Variants in KCNH1 observed in about 807,000 individuals in gnomAD.
KCNH1 encodes voltage-gated delayed rectifier potassium channel KCNH1.
A neutral mutation model predicts 69.2 loss-of-function variants in KCNH1; 27 were observed. That is an observed-to-expected ratio of 0.39 (90% CI 0.29 to 0.54). The LOEUF (loss-of-function observed/expected upper bound fraction) is 0.54, where lower values mean the gene tolerates loss of function less well. Among genes scored for constraint, KCNH1 ranks in the 20% least tolerant of loss-of-function variants. The pLI, the probability that KCNH1 is intolerant of heterozygous loss-of-function variation, is 0.68. For missense variants in KCNH1, 798 were observed against 1,261.6 expected (o/e 0.63, Z 5.57); for synonymous variants, 456 against 487.7 (o/e 0.93, Z 0.86).
chr1:210,855,780 AC>A (rs1459080950), intron 7 of KCNH1, among the ~76,000 whole-genome samples: 1 of 152,184 alleles, frequency 6.6e-6, no homozygotes, highest in Non-Finnish European at 1.5e-5. Context: ...GGGGCTGGAC[AC>A]TGCTATTAAT....
intron 6 of KCNH1, among the ~76,000 whole-genome samples, chr1:210,941,779 G>T (rs894849325): frequency 6.6e-6 from 1 of 152,178 alleles, no homozygotes; most frequent in Non-Finnish European, 1.5e-5. Context: ...GGGAAACAGT[G>T]CAATCCTAAC....
chr1:210,780,336 TCA>T (rs969407117), intron 9 of KCNH1, among the ~76,000 whole-genome samples: 19 of 152,324 alleles, frequency 1.2e-4, no homozygotes, highest in African/African-American at 4.6e-4. Flanking sequence ...AAGGACTATC[TCA>T]CAGTGTTATA....
intron 7 of KCNH1, among the ~76,000 whole-genome samples, chr1:210,907,930 A>G (rs181700328): frequency 4.6e-5 from 7 of 152,322 alleles, no homozygotes; most frequent in African/African-American, 1.7e-4. Context: ...CAGAAAAAGA[A>G]ACTGTTTTGT....
intron 6 of KCNH1, among the ~76,000 whole-genome samples, chr1:210,986,561 A>G (rs1688839625): frequency 6.6e-6 from 1 of 152,166 alleles, no homozygotes; most frequent in Admixed American, 6.5e-5. Flanking sequence ...TTGGCTGGAT[A>G]TGAAATTCTT....
intron 7 of KCNH1, among the ~76,000 whole-genome samples, chr1:210,885,962 C>T (rs764763465): frequency 2.2e-4 from 34 of 152,086 alleles, no homozygotes; most frequent in Non-Finnish European, 4.0e-4. Flanking sequence ...TGGCTGTGGG[C>T]ACAGGTTCAG....
At chr1:211,113,972 T>TCACA (rs1226960387) in intron 1 of KCNH1, among the ~76,000 whole-genome samples, 1 of 131,614 alleles carries the variant, frequency 7.6e-6, no homozygotes, top group Non-Finnish European at 1.7e-5. Flanking sequence ...TCTCTCTCTC[T>TCACA]CTCACACACA....
At chr1:211,121,511 C>T (rs1571664177) in intron 1 of KCNH1, among the ~76,000 whole-genome samples, 3 of 152,286 alleles carry the variant, frequency 2.0e-5, no homozygotes, top group South Asian at 4.1e-4. Context: ...CTTCCTTACA[C>T]CTTATACAAA....
In KCNH1 at chr1:211,016,839, G is replaced by A. The variant is rs191064153; in HGVS notation, c.1032+1944C>T. Among the ~76,000 whole-genome samples the A allele has an allele frequency of 2.1e-3, 310 of 144,354 alleles. 2 individuals carry two copies. The highest frequency in any genetic ancestry group is 7.6e-3 in the African/African-American group (294 of 38,788). The allele number at this position is 144,354 out of a possible 152,430, so 94.7% of individuals were successfully genotyped here. A position where few individuals can be genotyped will look rare whatever the true frequency, so the allele number is the denominator to read the frequency against. On this transcript the variant is annotated intron_variant, in intron 6 of 10. Coordinates refer to ENST00000271751, the MANE Select transcript of KCNH1 (RefSeq NM_172362.3). ...CAGGAGAATTGCCTGAACCTGGGAG[G>A]CAGAGGTTGTGGTGAGCTGAGATCA... is the stretch of plus-strand genomic sequence containing the variant.
intron 3 of KCNH1, among the ~76,000 whole-genome samples, chr1:211,095,089 T>C (rs1211082850): frequency 2.0e-5 from 3 of 152,166 alleles, no homozygotes; most frequent in Non-Finnish European, 4.4e-5. Flanking sequence ...GGGTCTCTCC[T>C]AGAACCCAAA....
At chr1:210,926,697 C>T (rs529661418) in intron 6 of KCNH1, among the ~76,000 whole-genome samples, 30 of 151,974 alleles carry the variant, frequency 2.0e-4, no homozygotes, top group African/African-American at 4.6e-4. Flanking sequence ...TCACCAGCAA[C>T]GGATCCAAAC....
intron 6 of KCNH1, among the ~76,000 whole-genome samples, chr1:210,994,478 G>T (rs1688988928): frequency 6.6e-6 from 1 of 152,132 alleles, no homozygotes; most frequent in Non-Finnish European, 1.5e-5. Context: ...ATGCAAAAAA[G>T]AAAGTCACCA....
At chr1:210,808,985 G>A (rs548769347) in intron 7 of KCNH1, among the ~76,000 whole-genome samples, 52 of 152,090 alleles carry the variant, frequency 3.4e-4, no homozygotes, top group Non-Finnish European at 5.9e-4. Context: ...TCTATTTTCA[G>A]AAAGGAAGGA....
chr1:210,865,684 G>A (rs1686092956), intron 7 of KCNH1, among the ~76,000 whole-genome samples: 1 of 152,146 alleles, frequency 6.6e-6, no homozygotes, highest in Non-Finnish European at 1.5e-5. Context: ...ATGGAAGCTG[G>A]GCCACCTTGC....
chr1:210,775,285 A>T, intron 10 of KCNH1, 63 bp downstream of exon 10: 3 of 1,418,760 alleles, frequency 2.1e-6, no homozygotes, highest in South Asian at 2.5e-5. Context: ...TTCTGGTCAC[A>T]GTGATTATCC....
Position 211,000,823 on chromosome 1 carries a change from C to T in KCNH1, c.1032+17960G>A, listed in dbSNP as rs555041293. Among the ~76,000 whole-genome samples the T allele has an allele frequency of 6.6e-5, 10 of 152,198 alleles. No individual in the cohort carries two copies. The East Asian group carries it at 9.7e-4, about 15-fold the overall frequency. On this transcript the variant is annotated intron_variant, in intron 6 of 10. Transcript: ENST00000271751. ...CTGGTACCAAAACAGAGATATAGAT[C>T]AATGGAACAGAACAGAGCCCTCAGA...
At chr1:210,965,807 C>T (rs969768320) in intron 6 of KCNH1, among the ~76,000 whole-genome samples, 3 of 152,086 alleles carry the variant, frequency 2.0e-5, no homozygotes, top group African/African-American at 7.2e-5. Context: ...ACCATACTGC[C>T]CAAAGTAATT....
At chr1:211,110,167 T>C (rs1399702715) in intron 1 of KCNH1, among the ~76,000 whole-genome samples, 1 of 152,170 alleles carries the variant, frequency 6.6e-6, no homozygotes, top group South Asian at 2.1e-4. Flanking sequence ...ATAATGAAGA[T>C]ATTTTCATAT....
intron 1 of KCNH1, among the ~76,000 whole-genome samples, chr1:211,108,245 A>G (rs1691393913): frequency 6.6e-6 from 1 of 152,152 alleles, no homozygotes; most frequent in African/African-American, 2.4e-5. Context: ...CAATTAAGCA[A>G]ATAACATCCA....
intron 6 of KCNH1, among the ~76,000 whole-genome samples, chr1:210,926,431 G>A (rs2102570250): frequency 6.6e-6 from 1 of 152,294 alleles, no homozygotes; most frequent in African/African-American, 2.4e-5. Flanking sequence ...GAGCCTCGTA[G>A]CTCCACTGGG....
Sources: gnomAD v4.1 joint callset for allele counts (sites outside exome capture counted in the v4.1 genomes callset) on GRCh38, gnomAD v4.1.1 for gene constraint, MANE v1.5 for transcripts, NCBI Gene and HGNC (gene_info 2026-07-23, HGNC 2026-07-21) for gene names.